Variants in AQP1 observed in about 807,000 individuals in gnomAD.
AQP1 encodes the protein aquaporin-1.
A neutral mutation model predicts 19.7 loss-of-function variants in AQP1; 11 were observed. The observed-to-expected ratio is 0.56, with a 90% CI of 0.35 to 0.92. The LOEUF (loss-of-function observed/expected upper bound fraction) is 0.92. Among genes scored for constraint, AQP1 ranks in the 40% least tolerant of loss-of-function variants. AQP1 has a pLI of 0.01. For synonymous variants in AQP1, 159 were observed against 166.7 expected (o/e 0.95, Z 0.36); for missense variants, 320 against 369.7 (o/e 0.87, Z 1.10).
chr7:30,922,489 C>G (rs988260520), intron 2 of AQP1, 75 bp from the exon 3 acceptor site: 1 of 1,446,546 alleles, frequency 6.9e-7, no homozygotes, highest in Non-Finnish European at 9.7e-7. Context: ...CTCCCTCCAA[C>G]CTCTCCCTCC....
At chr7:30,920,209 C>T (rs190863966) in intron 1 of AQP1, among the ~76,000 whole-genome samples, 3 of 152,248 alleles carry the variant, frequency 2.0e-5, no homozygotes, top group Admixed American at 6.5e-5. Flanking sequence ...CATTAATCAT[C>T]GGGGAAGGGC....
At chr7:30,920,424 T>G (rs1389045076) in intron 1 of AQP1, among the ~76,000 whole-genome samples, 3 of 152,172 alleles carry the variant, frequency 2.0e-5, no homozygotes, top group Admixed American at 6.5e-5. Context: ...CTGGGCAGGC[T>G]TCTGCCAGCA....
intron 1 of AQP1, among the ~76,000 whole-genome samples, chr7:30,916,378 G>A (rs980544064): frequency 9.9e-5 from 15 of 152,244 alleles, no homozygotes; most frequent in African/African-American, 3.6e-4. Context: ...CCCCCACCCA[G>A]CAGGGGCCAT....
intron 1 of AQP1, among the ~76,000 whole-genome samples, chr7:30,917,338 A>G (rs569508730): frequency 1.3e-5 from 2 of 152,090 alleles, no homozygotes; most frequent in South Asian, 4.2e-4. Flanking sequence ...GGATTCCTCA[A>G]TGGAGCCTTT....
chr7:30,917,995 A>ATTTT (rs201457298), intron 1 of AQP1, among the ~76,000 whole-genome samples: 2 of 146,798 alleles, frequency 1.4e-5, no homozygotes, highest in African/African-American at 5.2e-5. Flanking sequence ...TCCTTTATAG[A>ATTTT]TTTTTATTTT....
At chr7:30,916,120 G>A (rs1791345303) in intron 1 of AQP1, among the ~76,000 whole-genome samples, 2 of 152,156 alleles carry the variant, frequency 1.3e-5, no homozygotes, top group Non-Finnish European at 2.9e-5. Context: ...TCCCAGTGTT[G>A]CCCACCCTGA....
intron 3 of AQP1, among the ~76,000 whole-genome samples, chr7:30,922,892 G>T (rs925002653): frequency 1.3e-5 from 2 of 152,236 alleles, no homozygotes; most frequent in Non-Finnish European, 2.9e-5. Context: ...TCCCAGCTGC[G>T]TGGTTAAAAG....
At chr7:30,914,998 A>G (rs1000609579) in intron 1 of AQP1, among the ~76,000 whole-genome samples, 5 of 152,138 alleles carry the variant, frequency 3.3e-5, no homozygotes, top group Non-Finnish European at 7.4e-5. Flanking sequence ...GGACACTCTC[A>G]CCTGTCCCTG....
rs776679301 is a variant in AQP1 at position 30,923,924 on chromosome 7, A to G, written c.*295A>G. 6.9e-7 allele frequency: 1 copy of G among 1,443,654 alleles called. No homozygotes were observed. Among genetic ancestry groups the G allele is most frequent in the East Asian group, 3.3e-5 (1 of 30,360 alleles). The allele number at this position is 1,443,654 out of a possible 1,614,324, so 89.4% of individuals were successfully genotyped here. ...CCACCTGCTAGTCGCCCCTCAGAGC[A>G]TGATGGGAGGTGTGCCAGAAAGTCC... On this transcript the variant is annotated 3_prime_UTR_variant, in exon 4 of 4. Coordinates refer to ENST00000311813, the MANE Select transcript of AQP1 (RefSeq NM_198098.4). This position sits in a 1 kb window ranked among gnomAD's most constrained non-coding sequence, Gnocchi z 4.8.
At position 30,912,207 on chromosome 7, in the gene AQP1, G is replaced by A. The variant is rs1791185021; in HGVS notation, c.298G>A (p.Ala100Thr). 1.2e-6 allele frequency: 2 copies of A among 1,611,562 alleles called. No individual in the cohort carries two copies. Among genetic ancestry groups the A allele is most frequent in the Non-Finnish European group, 8.5e-7 (1 of 1,180,008 alleles). Residue 100 changes from alanine (A) to threonine (T), a missense_variant, in exon 1 of 4, where the codon GCC becomes ACC. Physicochemically the swap from Ala to Thr is moderately conservative, Grantham distance 58. Coordinates refer to ENST00000311813, the MANE Select transcript of AQP1 (RefSeq NM_198098.4). The surrounding 1 kb of genome is among the most constrained non-coding windows in gnomAD (Gnocchi z 4.3). ...CTTCCGTGCCCTCATGTACATCATCGCCCAGTGCGTGGGGGCCATCGTCGC... is the reference window on the plus strand; with the variant it reads ...CTTCCGTGCCCTCATGTACATCATCACCCAGTGCGTGGGGGCCATCGTCGC... ...SIFRALMYII[A>T]QCVGAIVATA...
rs755111530 is a variant in AQP1 at position 30,922,056 on chromosome 7, T to C, written c.385-10T>C. 1.2e-6 allele frequency: 2 copies of C among 1,613,546 alleles called. No individual in the cohort carries two copies. The highest frequency in any genetic ancestry group is 1.7e-6 in the Non-Finnish European group (2 of 1,179,998). On this transcript the variant is annotated splice_polypyrimidine_tract_variant and intron_variant, in intron 1 of 3. Coordinates refer to ENST00000311813, the MANE Select transcript of AQP1 (RefSeq NM_198098.4). ...TCCTCACCAGTCCTCACCACCTCTCTCCCCTGCAGCTGGCTGATGGTGTGA... is the reference window on the plus strand; with the variant it reads ...TCCTCACCAGTCCTCACCACCTCTCCCCCCTGCAGCTGGCTGATGGTGTGA...
chr7:30,923,559 G>A lies in AQP1; in HGVS notation c.740G>A (p.Ser247Asn). 6.2e-7 allele frequency: 1 copy of A among 1,614,140 alleles called. No individual in the cohort carries two copies. Among genetic ancestry groups the A allele is most frequent in the Non-Finnish European group, 8.5e-7 (1 of 1,180,018 alleles). Residue 247 changes from serine to asparagine, a missense_variant, in exon 4 of 4, where the codon AGC becomes AAC. Coordinates refer to ENST00000311813, the MANE Select transcript of AQP1 (RefSeq NM_198098.4). This position sits in a 1 kb window ranked among gnomAD's most constrained non-coding sequence, Gnocchi z 4.8. Reference protein sequence around the residue: ...DLTDRVKVWTSGQVEEYDLDA... With the variant: ...DLTDRVKVWTNGQVEEYDLDA... ...ACAGACCGCGTGAAGGTGTGGACCAGCGGCCAGGTGGAGGAGTATGACCTG... is the reference window on the plus strand; with the variant it reads ...ACAGACCGCGTGAAGGTGTGGACCAACGGCCAGGTGGAGGAGTATGACCTG...
chr7:30,923,370 G>T lies in AQP1; in HGVS notation c.631-80G>T. The T allele has an allele frequency of 3.1e-6, 5 of 1,604,680 alleles. No individual in the cohort carries two copies. Among genetic ancestry groups the T allele is most frequent in the Non-Finnish European group, 3.4e-6 (4 of 1,175,688 alleles). On this transcript the variant is annotated intron_variant, in intron 3 of 3. Transcript: ENST00000311813. The surrounding 1 kb of genome is among the most constrained non-coding windows in gnomAD (Gnocchi z 4.8). The stretch of plus-strand genomic sequence containing the variant: ...TGGGAAAAACCTGTCCAACGGGGTG[G>T]TGGGCTGTGGGGTAACCTAGGGAAC...
In AQP1 at chr7:30,923,461, G is replaced by T; in HGVS notation, c.642G>T (p.Val214=). The change falls in exon 4 of 4, where the codon GTG becomes GTT. Residue 214 remains valine, a synonymous_variant. Transcript: ENST00000311813. The surrounding 1 kb of genome is among the most constrained non-coding windows in gnomAD (Gnocchi z 4.8). ...HNFSNHWIFW[V]GPFIGGALAV... is the part of the protein sequence containing the mutation. ...TGCTCTGTTCCTAGATTTTCTGGGT[G>T]GGGCCATTCATCGGGGGAGCCCTGG... 6.2e-7 allele frequency: 1 copy of T among 1,613,990 alleles called. No homozygotes were observed. The highest frequency in any genetic ancestry group is 8.5e-7 in the Non-Finnish European group (1 of 1,179,976).
chr7:30,921,790 C>T (rs1355601047), intron 1 of AQP1: 4 of 1,550,632 alleles, frequency 2.6e-6, no homozygotes, highest in East Asian at 2.4e-5. Flanking sequence ...CCCCAGCTCA[C>T]CCCAGGCCTC....
chr7:30,918,691 A>G (rs1791420973), intron 1 of AQP1, among the ~76,000 whole-genome samples: 1 of 152,176 alleles, frequency 6.6e-6, no homozygotes, highest in South Asian at 2.1e-4. Flanking sequence ...ATGCCTTGGA[A>G]GCCACCCTGG....
At chr7:30,917,630 C>T (rs1791391350) in intron 1 of AQP1, among the ~76,000 whole-genome samples, 1 of 152,204 alleles carries the variant, frequency 6.6e-6, no homozygotes. Context: ...GCCTCCAGGA[C>T]CTCATGTCCT....
rs1159554146 is a variant in AQP1 at position 30,924,444 on chromosome 7, T to C, written c.*815T>C. On this transcript the variant is annotated 3_prime_UTR_variant, in exon 4 of 4. Transcript: ENST00000311813. Reference sequence around the variant, plus strand: ...AGACAGCCAGGTAGTTGGAACTTTCTGTTCCCTATGGAGAGGCTTCCCTAC... The same window carrying C: ...AGACAGCCAGGTAGTTGGAACTTTCCGTTCCCTATGGAGAGGCTTCCCTAC... The C allele has an allele frequency of 6.5e-6, 1 of 153,330 alleles. No homozygotes were observed. Among genetic ancestry groups the C allele is most frequent in the Non-Finnish European group, 1.5e-5 (1 of 68,796 alleles). 9.5% of individuals were successfully genotyped at this position (153,330 alleles called of 1,614,324 possible).
chr7:30,912,648 T>TCCTGCAGC lies in AQP1; in HGVS notation c.384+362_384+369dup, dbSNP rs1791197333. ...CCTGCCTGTGCCGCCAGCTCCCTCCTCCTGCAGCCCTGCACCCTGGGGAAA... is the reference window on the plus strand; with the variant it reads ...CCTGCCTGTGCCGCCAGCTCCCTCCTCCTGCAGCCCTGCAGCCCTGCACCCTGGGGAAA... On this transcript the variant is annotated intron_variant, in intron 1 of 3. Coordinates refer to ENST00000311813, the MANE Select transcript of AQP1 (RefSeq NM_198098.4). This position sits in a 1 kb window ranked among gnomAD's most constrained non-coding sequence, Gnocchi z 4.3. Among the ~76,000 whole-genome samples the TCCTGCAGC allele has an allele frequency of 6.6e-6, 1 of 152,180 alleles. No individual in the cohort carries two copies. The highest frequency in any genetic ancestry group is 6.5e-5 in the Admixed American group (1 of 15,278).
Sources: allele counts gnomAD v4.1 joint callset (sites outside exome capture counted in the v4.1 genomes callset), GRCh38; gene constraint gnomAD v4.1.1; non-coding constraint Gnocchi (gnomAD v3.1); transcripts MANE v1.5; gene names NCBI Gene and HGNC (gene_info 2026-07-23, HGNC 2026-07-21).